TRHDE: variants seen among roughly 807,000 people sequenced by gnomAD.
TRHDE encodes thyrotropin-releasing hormone-degrading ectoenzyme.
TRHDE carries 72 observed loss-of-function variants against 125.7 expected under a neutral mutation model. The ratio of observed to expected loss-of-function variants is 0.57; its 90% CI spans 0.47 to 0.70. The LOEUF (loss-of-function observed/expected upper bound fraction) is 0.70, where lower values mean the gene tolerates loss of function less well. TRHDE is among the 30% of genes least tolerant of loss of function. The pLI, the probability that TRHDE is intolerant of heterozygous loss-of-function variation, is 0.00. For synonymous variants in TRHDE, 509 were observed against 509.1 expected (o/e 1.00, Z 0.00); for missense variants, 1,110 against 1,327.1 (o/e 0.84, Z 2.54).
At chr12:72,245,243 ATGTG>A (rs370752757) in intron 2 of TRHDE, among the ~76,000 whole-genome samples, 25 of 147,310 alleles carry the variant, frequency 1.7e-4, no homozygotes, top group East Asian at 4.0e-4. Context: ...GTTTGTGTGT[ATGTG>A]TGTGTGTGTG....
At chr12:72,440,041 G>A (rs1443140935) in intron 3 of TRHDE, among the ~76,000 whole-genome samples, 1 of 151,840 alleles carries the variant, frequency 6.6e-6, no homozygotes, top group Non-Finnish European at 1.5e-5. Flanking sequence ...TCTTCATTCT[G>A]TTAATGTAAT....
chr12:72,274,770 T>A (rs1451085710), intron 1 of TRHDE: 1 of 152,152 alleles, frequency 6.6e-6, no homozygotes, highest in African/African-American at 2.4e-5. Context: ...ATATTCTACT[T>A]GTAGGATTGG....
chr12:72,403,413 C>T (rs73146912), intron 3 of TRHDE, among the ~76,000 whole-genome samples: 5 of 152,280 alleles, frequency 3.3e-5, no homozygotes, highest in Non-Finnish European at 7.4e-5. Context: ...GCATTGTTTG[C>T]TATGTGCCAA....
chr12:72,360,063 G>A (rs1022414432), intron 2 of TRHDE, among the ~76,000 whole-genome samples: 3 of 151,630 alleles, frequency 2.0e-5, no homozygotes, highest in African/African-American at 7.3e-5. Flanking sequence ...AAAATAAAAT[G>A]AGATCCCTAT....
chr12:72,301,774 G>T (rs987250194), intron 2 of TRHDE, among the ~76,000 whole-genome samples: 5 of 152,298 alleles, frequency 3.3e-5, no homozygotes, highest in African/African-American at 7.2e-5. Flanking sequence ...ACACAGGTAA[G>T]ATCAAGTTGA....
chr12:72,269,878 T>A (rs1879155987), upstream of TRHDE, among the ~76,000 whole-genome samples: 1 of 152,220 alleles, frequency 6.6e-6, no homozygotes, highest in Admixed American at 6.5e-5. Flanking sequence ...TTTTCTTGAC[T>A]AATGTTTTAG....
At chr12:72,339,344 TATCTC>T (rs1947625805) in intron 2 of TRHDE, among the ~76,000 whole-genome samples, 1 of 152,200 alleles carries the variant, frequency 6.6e-6, no homozygotes, top group Non-Finnish European at 1.5e-5. Context: ...CATCCACTGT[TATCTC>T]AACGAATGAA....
intron 2 of TRHDE, among the ~76,000 whole-genome samples, chr12:72,219,352 A>G (rs752280605): frequency 1.3e-5 from 2 of 152,122 alleles, no homozygotes; most frequent in South Asian, 4.1e-4. Flanking sequence ...TGTGCCCATC[A>G]CTGTCTTGCA....
At chr12:72,286,004 A>G (rs1300216348) in intron 1 of TRHDE, among the ~76,000 whole-genome samples, 1 of 152,250 alleles carries the variant, frequency 6.6e-6, no homozygotes, top group African/African-American at 2.4e-5. Flanking sequence ...AGTCACAGTC[A>G]TAGGTGCTTT....
intron 15 of TRHDE, among the ~76,000 whole-genome samples, chr12:72,637,424 A>C (rs1381824834): frequency 2.0e-5 from 3 of 151,932 alleles, no homozygotes; most frequent in Non-Finnish European, 4.4e-5. Context: ...CTAGCGGTCT[A>C]TCAATTTTGT....
At chr12:72,554,111 G>T (rs2136001138) in intron 7 of TRHDE, among the ~76,000 whole-genome samples, 1 of 152,152 alleles carries the variant, frequency 6.6e-6, no homozygotes, top group South Asian at 2.1e-4. Flanking sequence ...GCCTCCCAAA[G>T]TGCCAGGATT....
intron 6 of TRHDE, among the ~76,000 whole-genome samples, chr12:72,508,721 C>T (rs144654937): frequency 9.9e-5 from 15 of 152,124 alleles, no homozygotes; most frequent in Non-Finnish European, 1.5e-4. Flanking sequence ...ATTGTATTTG[C>T]GATGGGAGAA....
chr12:72,651,655 A>C (rs1375518083), intron 15 of TRHDE, among the ~76,000 whole-genome samples: 1 of 151,998 alleles, frequency 6.6e-6, no homozygotes, highest in East Asian at 1.9e-4. Flanking sequence ...GTAGGGATGA[A>C]AATTTTCAAC....
intron 4 of TRHDE, 93 bp from the exon 5 acceptor site, chr12:72,472,974 A>T: frequency 1.0e-6 from 1 of 982,454 alleles, no homozygotes; most frequent in Non-Finnish European, 1.6e-6. Flanking sequence ...AATTCCAGTT[A>T]TAATAATCAT....
At position 72,320,212 on chromosome 12, in the gene TRHDE, C is replaced by G. The variant is rs966520230; in HGVS notation, c.1188+33258C>G. On this transcript the variant is annotated intron_variant, in intron 2 of 18. Coordinates refer to ENST00000261180, the MANE Select transcript of TRHDE (RefSeq NM_013381.3). ...TACATACATATACGTACAGCCATCC[C>G]TCAATATCCATGGGGGATTTGTTCC... is the stretch of plus-strand genomic sequence containing the variant. 2.6e-5 allele frequency among the ~76,000 whole-genome samples: 4 copies of G among 152,110 alleles called. 1 individual carries two copies. In the South Asian group the frequency reaches 8.3e-4, roughly 32 times the overall value.
chr12:72,417,222 T>C (rs375342049), intron 3 of TRHDE, among the ~76,000 whole-genome samples: 1 of 152,100 alleles, frequency 6.6e-6, no homozygotes, highest in Admixed American at 6.6e-5. Flanking sequence ...TTTTGGGTCC[T>C]GGACTATTAA....
chr12:72,121,813 T>A (rs1379413813), intron 2 of TRHDE, among the ~76,000 whole-genome samples: 1 of 151,658 alleles, frequency 6.6e-6, no homozygotes, highest in Non-Finnish European at 1.5e-5. Context: ...TTGATCATTT[T>A]GATCTGCCAT....
chr12:72,613,179 A>G lies in TRHDE; in HGVS notation c.2322-5712A>G, dbSNP rs145085423. On this transcript the variant is annotated intron_variant, in intron 12 of 18. Coordinates refer to ENST00000261180, the MANE Select transcript of TRHDE (RefSeq NM_013381.3). ...CATAAATAACACTATTGCTTCTAGG[A>G]AAGTAATTTGCTAATCAGAGAAAAA... is the stretch of plus-strand genomic sequence containing the variant. 3.1e-3 allele frequency among the ~76,000 whole-genome samples: 473 copies of G among 152,318 alleles called. 1 individual carries two copies. The highest frequency in any genetic ancestry group is 0.011 in the African/African-American group (451 of 41,572).
At chr12:72,196,157 G>C (rs1020336236) in intron 2 of TRHDE, among the ~76,000 whole-genome samples, 1 of 152,100 alleles carries the variant, frequency 6.6e-6, no homozygotes, top group African/African-American at 2.4e-5. Context: ...GTCATGTAAT[G>C]TGATGCCTCT....
Sources: allele counts gnomAD v4.1 joint callset (sites outside exome capture counted in the v4.1 genomes callset), GRCh38; gene constraint gnomAD v4.1.1; transcripts MANE v1.5; gene names NCBI Gene and HGNC (gene_info 2026-07-23, HGNC 2026-07-21).